STARD9: variants seen among roughly 807,000 people sequenced by gnomAD.
The protein encoded by STARD9 is StAR related lipid transfer domain containing 9, also known as stAR-related lipid transfer protein 9.
In STARD9, 346 loss-of-function variants were observed where a neutral mutation model predicts 399.8. The ratio of observed to expected loss-of-function variants is 0.87; its 90% CI spans 0.79 to 0.95. The LOEUF is 0.95. STARD9 is among the 40% of genes least tolerant of loss of function. The pLI, the probability that STARD9 is intolerant of heterozygous loss-of-function variation, is 0.00. For missense variants in STARD9, 5,832 were observed against 5,667.5 expected (o/e 1.03, Z -0.93); for synonymous variants, 2,203 against 2,143.5 (o/e 1.03, Z -0.77).
chr15:42,645,004 C>T (rs969961202), intron 7 of STARD9, among the ~76,000 whole-genome samples: 10 of 152,220 alleles, frequency 6.6e-5, no homozygotes, highest in Non-Finnish European at 2.9e-5. Context: ...TCAGGCTCCA[C>T]TTCTCATTCT....
intron 26 of STARD9, among the ~76,000 whole-genome samples, chr15:42,715,008 G>A (rs1252372199): frequency 6.6e-6 from 1 of 151,150 alleles, no homozygotes; most frequent in East Asian, 2.0e-4. Context: ...ATTATGGAGT[G>A]AGAAAATAGG....
At chr15:42,600,665 A>G (rs958394406) in intron 3 of STARD9, among the ~76,000 whole-genome samples, 2 of 151,296 alleles carry the variant, frequency 1.3e-5, no homozygotes, top group African/African-American at 4.9e-5. Context: ...AGCTGGGATT[A>G]TAGGCATGCA....
chr15:42,695,492 C>G (rs1375816422), intron 25 of STARD9, among the ~76,000 whole-genome samples, 169 bp downstream of exon 25: 1 of 152,228 alleles, frequency 6.6e-6, no homozygotes, highest in African/African-American at 2.4e-5. Context: ...CATCATCACA[C>G]CAGCTCCTTT....
chr15:42,678,170 G>A lies in STARD9; in HGVS notation c.1874+2195G>A, dbSNP rs556642991. Among the ~76,000 whole-genome samples the A allele has an allele frequency of 9.2e-5, 14 of 152,314 alleles. No individual in the cohort carries two copies. The South Asian group carries it at 2.3e-3, about 25-fold the overall frequency. ...GTGGTGTGGTGTGGTGCTCAAGTCC[G>A]TGATTGGGCAAAGGGACCAGGGAGA... is the stretch of plus-strand genomic sequence containing the variant. On this transcript the variant is annotated intron_variant, in intron 20 of 32. Coordinates refer to ENST00000290607, the MANE Select transcript of STARD9 (RefSeq NM_020759.3).
At chr15:42,586,293 C>G (rs940256945) in intron 3 of STARD9, among the ~76,000 whole-genome samples, 1 of 152,218 alleles carries the variant, frequency 6.6e-6, no homozygotes, top group Admixed American at 6.5e-5. Context: ...AGTCAGCCAG[C>G]CTGCAAGGTA....
In STARD9 at chr15:42,682,388, GC is replaced by G; in HGVS notation, c.2353del (p.Gln785ArgfsTer41). On this transcript the variant is annotated frameshift_variant, in exon 22 of 33. Coordinates refer to ENST00000290607, the MANE Select transcript of STARD9 (RefSeq NM_020759.3). LOFTEE classifies it high-confidence loss of function. Reference sequence around the variant, plus strand: ...CATCAAAAAGCAGAGGCTGCTGGAGGCCCAGAAGAGACTGGAGAAGCTCACG... The same window carrying G: ...CATCAAAAAGCAGAGGCTGCTGGAGGCCAGAAGAGACTGGAGAAGCTCACG... The part of the protein sequence containing the change: ...RIIKKQRLLE[A>X]QKRLEKLTTL... 1.3e-6 allele frequency: 2 copies of G among 1,537,258 alleles called. No individual in the cohort carries two copies. Among genetic ancestry groups the G allele is most frequent in the Non-Finnish European group, 1.7e-6 (2 of 1,146,916 alleles).
rs750374345 is a variant in STARD9 at position 42,717,028 on chromosome 15, G to A, written c.13474G>A (p.Val4492Met). Residue 4492 changes from valine (V) to methionine (M), a missense_variant, in exon 28 of 33, where the codon GTG (valine) becomes ATG (methionine). By Grantham distance (21) the Val-to-Met change is conservative. Transcript: ENST00000290607. ...SSYQDLAKHV[V>M]DTSMADVMAA... ...CTACCAGGATTTGGCCAAGCATGTC[G>A]TGGACACTTCTATGGCTGATGTGAG... 33 of 1,537,066 alleles carry A rather than the reference G, an allele frequency of 2.1e-5. No homozygotes were observed. The highest frequency in any genetic ancestry group is 5.9e-5 in the South Asian group (5 of 84,062).
intron 3 of STARD9, among the ~76,000 whole-genome samples, chr15:42,614,118 C>T (rs747972506): frequency 6.6e-6 from 1 of 152,006 alleles, no homozygotes; most frequent in South Asian, 2.1e-4. Context: ...CAAGACTGCC[C>T]TGACCAACAT....
intron 26 of STARD9, among the ~76,000 whole-genome samples, chr15:42,705,966 T>A (rs2061068283): frequency 6.6e-6 from 1 of 152,002 alleles, no homozygotes; most frequent in African/African-American, 2.4e-5. Context: ...TTGGCCAGGC[T>A]TTTCTCAAAC....
chr15:42,588,806 T>C (rs1456278925), intron 3 of STARD9, among the ~76,000 whole-genome samples: 1 of 43,358 alleles, frequency 2.3e-5, no homozygotes, highest in African/African-American at 5.5e-5. Flanking sequence ...TTTTTTTTTT[T>C]TTTTTTTTTG....
Position 42,689,439 on chromosome 15 carries a change from C to G in STARD9, c.7861C>G (p.Leu2621Val). 2 of 1,537,410 alleles carry G rather than the reference C, an allele frequency of 1.3e-6. No individual in the cohort carries two copies. Among genetic ancestry groups the G allele is most frequent in the Middle Eastern group, 3.3e-4 (2 of 5,988 alleles). ...AGCACCGGGATTTCATGTGGCATCT[C>G]TATCTGCTGAAGCAGGGCAGATAGA... ...GEAPGFHVAS[L>V]SAEAGQIDLL... The change falls in exon 23 of 33, where the codon CTA (leucine) becomes GTA (valine). Residue 2621 changes from leucine (L) to valine (V), a missense_variant. Leu to Val is a conservative substitution (Grantham distance 32). Around this residue, in one of 2 missense-constraint regions of STARD9, gnomAD observed 5,828 missense variants for 5,651.1 expected, o/e 1.03. Transcript: ENST00000290607.
intron 22 of STARD9, among the ~76,000 whole-genome samples, chr15:42,683,574 C>G (rs1026735865): frequency 1.3e-5 from 2 of 152,126 alleles, no homozygotes; most frequent in African/African-American, 4.8e-5. Flanking sequence ...CTGCCCAAAA[C>G]TATTTACAGT....
chr15:42,610,953 T>G (rs1291434198), intron 3 of STARD9, among the ~76,000 whole-genome samples: 1 of 152,254 alleles, frequency 6.6e-6, no homozygotes, highest in Non-Finnish European at 1.5e-5. Flanking sequence ...CGAGGTGATC[T>G]GTATATGTAC....
rs1566950397 is a variant in STARD9 at position 42,693,521 on chromosome 15, C to G, written c.11943C>G (p.Ser3981=). 6.5e-7 allele frequency: 1 copy of G among 1,537,242 alleles called. No homozygotes were observed. Among genetic ancestry groups the G allele is most frequent in the Non-Finnish European group, 8.7e-7 (1 of 1,146,902 alleles). Residue 3981 remains serine (S), a synonymous_variant, in exon 23 of 33, where the codon TCC becomes TCG. Transcript: ENST00000290607. Reference sequence around the variant, plus strand: ...GGAGATCCTTCCTTGAGTTGCACTCCCCACACAGCCCACAGCAGAGTCCAA... The same window carrying G: ...GGAGATCCTTCCTTGAGTTGCACTCGCCACACAGCCCACAGCAGAGTCCAA... The part of the protein sequence containing the change: ...SNGRSFLELH[S]PHSPQQSPKL...
chr15:42,680,881 T>TCA (rs149735996), intron 20 of STARD9, among the ~76,000 whole-genome samples: 1 of 151,846 alleles, frequency 6.6e-6, no homozygotes, highest in Non-Finnish European at 1.5e-5. Context: ...CTCCTTTGGG[T>TCA]CACACACACA....
intron 3 of STARD9, among the ~76,000 whole-genome samples, chr15:42,608,150 T>C (rs907334955): frequency 1.3e-5 from 2 of 152,200 alleles, no homozygotes; most frequent in African/African-American, 4.8e-5. Flanking sequence ...TGACTTGCTA[T>C]GAAGGGCTGA....
At position 42,688,916 on chromosome 15, in the gene STARD9, A is replaced by T. The variant is rs1419502806; in HGVS notation, c.7338A>T (p.Gly2446=). 1 of 1,537,308 alleles carries T rather than the reference A, an allele frequency of 6.5e-7. No homozygotes were observed. The highest frequency in any genetic ancestry group is 2.4e-5 in the East Asian group (1 of 40,924). Residue 2446 remains glycine (G), a synonymous_variant, in exon 23 of 33, where the codon GGA becomes GGT. Transcript: ENST00000290607. ...ISASTSPQDH[G]KDLRITLLGF... The stretch of plus-strand genomic sequence containing the variant: ...CAAGCACCAGCCCCCAAGACCATGG[A>T]AAGGACCTCAGAATCACCTTGCTGG...
At position 42,686,407 on chromosome 15, in the gene STARD9, C is replaced by T. The variant is rs927368394; in HGVS notation, c.4829C>T (p.Thr1610Ile). The T allele has an allele frequency of 1.6e-5, 24 of 1,537,612 alleles. No homozygotes were observed. The highest frequency in any genetic ancestry group is 1.9e-5 in the Non-Finnish European group (22 of 1,147,038). Reference protein sequence around the residue: ...SRSTNAQVFATENAIPDSMTE... With the variant: ...SRSTNAQVFAIENAIPDSMTE... ...TCTACAAATGCACAGGTCTTTGCAACAGAGAACGCGATACCAGATTCCATG... is the reference window on the plus strand; with the variant it reads ...TCTACAAATGCACAGGTCTTTGCAATAGAGAACGCGATACCAGATTCCATG... Residue 1610 changes from threonine to isoleucine, a missense_variant, in exon 23 of 33, where the codon ACA (threonine) becomes ATA (isoleucine). Thr to Ile is a moderately conservative substitution (Grantham distance 89). Coordinates refer to ENST00000290607, the MANE Select transcript of STARD9 (RefSeq NM_020759.3).
intron 26 of STARD9, among the ~76,000 whole-genome samples, chr15:42,710,557 T>C (rs1233991764): frequency 1.3e-5 from 2 of 152,222 alleles, no homozygotes; most frequent in Non-Finnish European, 2.9e-5. Flanking sequence ...TCTGGACATT[T>C]CATATAAATG....
Sources: allele counts gnomAD v4.1 joint callset (sites outside exome capture counted in the v4.1 genomes callset), GRCh38; gene constraint gnomAD v4.1.1; regional missense constraint gnomAD v4.1.1; transcripts MANE v1.5; gene names NCBI Gene and HGNC (gene_info 2026-07-23, HGNC 2026-07-21).